PPP3R1: variants seen among roughly 807,000 people sequenced by gnomAD.
PPP3R1 encodes protein phosphatase 3 regulatory subunit B, alpha.
A neutral mutation model predicts 22.6 loss-of-function variants in PPP3R1; 5 were observed. The ratio of observed to expected loss-of-function variants is 0.22; its 90% CI spans 0.12 to 0.46. The LOEUF (loss-of-function observed/expected upper bound fraction) is 0.46. Ranked by LOEUF, PPP3R1 falls within the 20% of genes least tolerant of loss-of-function variation. The pLI is 0.99. For missense variants in PPP3R1, 61 were observed against 203.2 expected (o/e 0.30, Z 4.25); for synonymous variants, 56 against 65.2 (o/e 0.86, Z 0.68).
rs899532260 is a variant in PPP3R1 at position 68,184,187 on chromosome 2, C to A, written c.465+2281G>T. Reference sequence around the variant, plus strand: ...AAGGCGATCTTGTGTGTTCCAGTTCCTTCTTAAAACAGACTTTAACCAGTC... The same window carrying A: ...AAGGCGATCTTGTGTGTTCCAGTTCATTCTTAAAACAGACTTTAACCAGTC... On this transcript the variant is annotated intron_variant, in intron 5 of 5. Transcript: ENST00000234310. 3.9e-5 allele frequency among the ~76,000 whole-genome samples: 6 copies of A among 152,340 alleles called. No homozygotes were observed. In the East Asian group the frequency reaches 7.7e-4, roughly 20 times the overall value.
At chr2:68,188,843 A>T (rs1674603072) in intron 2 of PPP3R1, among the ~76,000 whole-genome samples, 153 bp from the exon 3 acceptor site, 1 of 152,224 alleles carries the variant, frequency 6.6e-6, no homozygotes, top group African/African-American at 2.4e-5. Flanking sequence ...CCAATTTGAT[A>T]AAAAGAGGTA....
At chr2:68,196,066 G>A (rs1026043129) in intron 2 of PPP3R1, among the ~76,000 whole-genome samples, 1 of 151,806 alleles carries the variant, frequency 6.6e-6, no homozygotes, top group Non-Finnish European at 1.5e-5. Context: ...ACAGGATCCC[G>A]GAATCTCTAT....
At chr2:68,182,437 A>G (rs958987979) in intron 5 of PPP3R1, among the ~76,000 whole-genome samples, 1 of 152,004 alleles carries the variant, frequency 6.6e-6, no homozygotes. Flanking sequence ...GCTTTCACAT[A>G]CTTCTCTTCC....
chr2:68,192,487 A>G (rs1485239737), intron 2 of PPP3R1, among the ~76,000 whole-genome samples: 1 of 152,178 alleles, frequency 6.6e-6, no homozygotes, highest in East Asian at 1.9e-4. Flanking sequence ...CAATTTATTG[A>G]AGTGGGGACA....
At chr2:68,217,184 A>G in intron 1 of PPP3R1, 53 bp from the exon 2 acceptor site, 1 of 1,340,774 alleles carries the variant, frequency 7.5e-7, no homozygotes, top group Non-Finnish European at 1.0e-6. Flanking sequence ...AATTTGTTTA[A>G]AATATTAAAC....
intron 2 of PPP3R1, 56 bp downstream of exon 2, chr2:68,217,036 A>G (rs12328306): frequency 0.36 from 269,786 of 755,032 alleles, 48,793 homozygotes; most frequent in African/African-American, 0.46. Flanking sequence ...ACACACACAC[A>G]CACAGAGAGA....
intron 2 of PPP3R1, among the ~76,000 whole-genome samples, chr2:68,198,447 G>A (rs1674879725): frequency 1.3e-5 from 2 of 148,304 alleles, no homozygotes; most frequent in African/African-American, 2.5e-5. Flanking sequence ...GTGTATATAT[G>A]TATATACATA....
At chr2:68,210,687 G>C (rs1019984182) in intron 2 of PPP3R1, among the ~76,000 whole-genome samples, 5 of 152,140 alleles carry the variant, frequency 3.3e-5, no homozygotes, top group African/African-American at 1.2e-4. Context: ...AAATTGTTAG[G>C]AGGCTAAAAA....
At chr2:68,195,813 T>C (rs1042413806) in intron 2 of PPP3R1, among the ~76,000 whole-genome samples, 9 of 152,160 alleles carry the variant, frequency 5.9e-5, no homozygotes, top group Non-Finnish European at 1.2e-4. Flanking sequence ...ATTATTTTGT[T>C]AGTCAAATTG....
chr2:68,205,888 C>T (rs573039840), intron 2 of PPP3R1, among the ~76,000 whole-genome samples: 4 of 152,124 alleles, frequency 2.6e-5, no homozygotes, highest in South Asian at 4.1e-4. Flanking sequence ...GGCGCGATCT[C>T]GGCTCACAGC....
chr2:68,193,921 CTTAGGATCATA>C (rs1189581455), intron 2 of PPP3R1, among the ~76,000 whole-genome samples: 1 of 152,024 alleles, frequency 6.6e-6, no homozygotes, highest in Non-Finnish European at 1.5e-5. Flanking sequence ...TTTCCTGCTG[CTTAGGATCATA>C]TTCCCTTAAA....
chr2:68,219,440 C>A (rs1669643072), intron 1 of PPP3R1, among the ~76,000 whole-genome samples: 1 of 152,166 alleles, frequency 6.6e-6, no homozygotes, highest in Non-Finnish European at 1.5e-5. Context: ...CTCCACACCC[C>A]CTCACGTTCA....
intron 1 of PPP3R1, among the ~76,000 whole-genome samples, chr2:68,241,622 G>A (rs532291644): frequency 6.6e-6 from 1 of 152,168 alleles, no homozygotes; most frequent in African/African-American, 2.4e-5. Flanking sequence ...GCCAAGGTGG[G>A]CGGATCACCA....
At chr2:68,246,067 C>CTTTTTTTTTTTTT (rs746584723) in intron 1 of PPP3R1, among the ~76,000 whole-genome samples, 44 of 73,776 alleles carry the variant, frequency 6.0e-4, no homozygotes, top group African/African-American at 1.1e-3. Flanking sequence ...TTCTTTCTTT[C>CTTTTTTTTTTTTT]TTTTTTTTTT....
At chr2:68,244,501 T>A (rs1055898116) in intron 1 of PPP3R1, among the ~76,000 whole-genome samples, 3 of 152,170 alleles carry the variant, frequency 2.0e-5, no homozygotes, top group African/African-American at 7.2e-5. Flanking sequence ...ATGAACTCCA[T>A]TATTAAAACA....
At chr2:68,221,707 T>C (rs889858477) in intron 1 of PPP3R1, among the ~76,000 whole-genome samples, 27 of 151,448 alleles carry the variant, frequency 1.8e-4, no homozygotes, top group Non-Finnish European at 3.2e-4. Context: ...ACATAATAAA[T>C]TGCTGTGACA....
At chr2:68,245,347 G>C (rs1405820493) in intron 1 of PPP3R1, among the ~76,000 whole-genome samples, 1 of 152,050 alleles carries the variant, frequency 6.6e-6, no homozygotes, top group Admixed American at 6.6e-5. Flanking sequence ...GGGCAAAATA[G>C]CAAGATCCTG....
chr2:68,190,191 A>T (rs1674632160), intron 2 of PPP3R1, among the ~76,000 whole-genome samples: 1 of 147,370 alleles, frequency 6.8e-6, no homozygotes, highest in Non-Finnish European at 1.5e-5. Context: ...TATTGTCAGT[A>T]ATCATGGAAA....
chr2:68,240,704 A>G (rs1296691509), intron 1 of PPP3R1, among the ~76,000 whole-genome samples: 1 of 152,236 alleles, frequency 6.6e-6, no homozygotes, highest in Non-Finnish European at 1.5e-5. Flanking sequence ...TACTGGGTGA[A>G]TGACACAAGG....
Sources: allele counts gnomAD v4.1 joint callset (sites outside exome capture counted in the v4.1 genomes callset), GRCh38; gene constraint gnomAD v4.1.1; transcripts MANE v1.5; gene names NCBI Gene and HGNC (gene_info 2026-07-23, HGNC 2026-07-21).